Variants in F5 observed in about 807,000 individuals in gnomAD.
F5 encodes the protein coagulation factor V.
F5 carries 138 observed loss-of-function variants against 216.4 expected under a neutral mutation model. The ratio of observed to expected loss-of-function variants is 0.64; its 90% CI spans 0.56 to 0.73. The LOEUF is 0.73. Among genes scored for constraint, F5 ranks in the 30% least tolerant of loss-of-function variants. The pLI is 0.00. For synonymous variants in F5, 916 were observed against 930.7 expected, an observed-to-expected ratio of 0.98 and a Z score of 0.29; for missense variants, 2,403 against 2,674.0, an observed-to-expected ratio of 0.90 and a Z score of 2.24.
At chr1:169,561,641 TC>T (rs1660490158) in intron 3 of F5, among the ~76,000 whole-genome samples, 1 of 152,110 alleles carries the variant, frequency 6.6e-6, no homozygotes, top group African/African-American at 2.4e-5. Flanking sequence ...GAGGAATTCC[TC>T]ATTTAATTAG....
In F5 at chr1:169,542,126, A is replaced by T. The variant is rs1395780350; in HGVS notation, c.2964T>A (p.Leu988=). 7.4e-6 allele frequency: 12 copies of T among 1,613,946 alleles called. No individual in the cohort carries two copies. Among genetic ancestry groups the T allele is most frequent in the Non-Finnish European group, 1.0e-5 (12 of 1,179,986 alleles). ...CACTCTGCTTTCCAGGCTTGTTGGCAAGAGGGGTGCTTTCTCCCCAAGCAC... is the reference window on the plus strand; with the variant it reads ...CACTCTGCTTTCCAGGCTTGTTGGCTAGAGGGGTGCTTTCTCCCCAAGCAC... ...ASRAWGESTP[L]ANKPGKQSGH... Residue 988 remains leucine (L), a synonymous_variant, in exon 13 of 25, where the codon CTT becomes CTA. Transcript: ENST00000367797.
chr1:169,543,257 G>A (rs1659914148), intron 12 of F5, 143 bp from the exon 13 acceptor site: 1 of 717,030 alleles, frequency 1.4e-6, no homozygotes, highest in African/African-American at 1.8e-5. Flanking sequence ...GCTTGTCTGT[G>A]ACCTATTGAT....
chr1:169,556,020 T>C (rs1660316125), intron 6 of F5, among the ~76,000 whole-genome samples: 1 of 152,214 alleles, frequency 6.6e-6, no homozygotes, highest in African/African-American at 2.4e-5. Context: ...AACTCTAATC[T>C]CAACAGTTTT....
intron 2 of F5, among the ~76,000 whole-genome samples, chr1:169,576,401 A>C (rs1206698201): frequency 6.6e-6 from 1 of 151,998 alleles, no homozygotes. Flanking sequence ...TTTTTATGTT[A>C]GCTTTACACA....
chr1:169,514,218 A>T lies in F5; in HGVS notation c.*95T>A. The T allele has an allele frequency of 7.8e-7, 1 of 1,284,006 alleles. No homozygotes were observed. Among genetic ancestry groups the T allele is most frequent in the Non-Finnish European group, 1.1e-6 (1 of 891,918 alleles). 79.5% of individuals were successfully genotyped at this position (1,284,006 alleles called of 1,614,324 possible). On this transcript the variant is annotated 3_prime_UTR_variant, in exon 25 of 25. Coordinates refer to ENST00000367797, the MANE Select transcript of F5 (RefSeq NM_000130.5). ...AGAAAAGAAAGAGAAATAGTGGAAAACTGTTAACATTTAACACAGCGTAAA... is the reference window on the plus strand; with the variant it reads ...AGAAAAGAAAGAGAAATAGTGGAAATCTGTTAACATTTAACACAGCGTAAA...
intron 4 of F5, 124 bp from the exon 5 acceptor site, chr1:169,559,420 AT>A (rs1660409451): frequency 2.1e-6 from 2 of 959,756 alleles, no homozygotes; most frequent in East Asian, 2.6e-5. Context: ...AGAAATTCTT[AT>A]TTTTTAAAAT....
At chr1:169,559,624 T>G (rs1660416699) in intron 4 of F5, among the ~76,000 whole-genome samples, 1 of 152,132 alleles carries the variant, frequency 6.6e-6, no homozygotes, top group African/African-American at 2.4e-5. Flanking sequence ...ATAGATACGT[T>G]AGCTCAGTTG....
At chr1:169,539,573 C>G (rs1455478136) in intron 13 of F5, among the ~76,000 whole-genome samples, 1 of 152,184 alleles carries the variant, frequency 6.6e-6, no homozygotes, top group Non-Finnish European at 1.5e-5. Flanking sequence ...GATTAATGAA[C>G]TCATATGCAT....
At chr1:169,555,161 G>T (rs79380882) in intron 7 of F5, 21 bp downstream of exon 7, 2 of 1,613,766 alleles carry the variant, frequency 1.2e-6, no homozygotes, top group East Asian at 4.5e-5. Context: ...TTGCCCAGTG[G>T]TATGAACCCC....
chr1:169,550,801 T>C, intron 8 of F5, 62 bp from the exon 9 acceptor site: 4 of 1,243,440 alleles, frequency 3.2e-6, no homozygotes, highest in Non-Finnish European at 3.5e-6. Flanking sequence ...TAATATAAGA[T>C]ACTAGCTTTG....
intron 21 of F5, among the ~76,000 whole-genome samples, chr1:169,521,658 G>T (rs187514755): frequency 8.0e-6 from 1 of 124,298 alleles, no homozygotes; most frequent in African/African-American, 3.1e-5. Flanking sequence ...GTCTCACTCC[G>T]TCACCAGGCT....
At chr1:169,582,589 A>C (rs1661015252) in intron 1 of F5, 67 bp from the exon 2 acceptor site, 2 of 844,162 alleles carry the variant, frequency 2.4e-6, no homozygotes, top group African/African-American at 3.4e-5. Context: ...ATTACAAAAA[A>C]AGTAGATCTC....
intron 11 of F5, among the ~76,000 whole-genome samples, chr1:169,545,905 A>G (rs1326754319): frequency 3.3e-5 from 5 of 152,192 alleles, no homozygotes; most frequent in Non-Finnish European, 1.5e-5. Context: ...ACTGCAGCAA[A>G]TGCCGGAACC....
chr1:169,534,916 T>C (rs540447220), intron 14 of F5, among the ~76,000 whole-genome samples: 46 of 152,108 alleles, frequency 3.0e-4, no homozygotes, highest in Non-Finnish European at 6.5e-4. Flanking sequence ...TTATGCTAAG[T>C]GAATTAATGC....
In F5 at chr1:169,540,394, T is replaced by C. The variant is rs1179253983; in HGVS notation, c.4696A>G (p.Asn1566Asp). ...TNINSSRDPD[N>D]IAAWYLRSNN... ...CTGCGGAGGTACCATGCTGCAATGTTGTCAGGATCTCTGGAGGAGTTGATG... is the reference window on the plus strand; with the variant it reads ...CTGCGGAGGTACCATGCTGCAATGTCGTCAGGATCTCTGGAGGAGTTGATG... Residue 1566 changes from asparagine to aspartate, a missense_variant, in exon 13 of 25, where the codon AAC becomes GAC. By Grantham distance (23) the Asn-to-Asp change is conservative (BLOSUM62 1). Coordinates refer to ENST00000367797, the MANE Select transcript of F5 (RefSeq NM_000130.5). 1 of 1,614,058 alleles carries C rather than the reference T, an allele frequency of 6.2e-7. No individual in the cohort carries two copies. Among genetic ancestry groups the C allele is most frequent in the Non-Finnish European group, 8.5e-7 (1 of 1,179,946 alleles).
At position 169,549,634 on chromosome 1, in the gene F5, C is replaced by CA. The variant is rs55717622; in HGVS notation, c.1611+166dup. 0.077 allele frequency among the ~76,000 whole-genome samples: 11,162 copies of CA among 144,820 alleles called. 496 individuals carry two copies. The highest frequency in any genetic ancestry group is 0.12 in the Admixed American group (1,694 of 14,606). The stretch of plus-strand genomic sequence containing the variant: ...ATGGTACTGATAAAAATAGACAAGA[C>CA]AAAAAAAAAAAAAGAATAAATGTTA... On this transcript the variant is annotated intron_variant, in intron 10 of 24. Coordinates refer to ENST00000367797, the MANE Select transcript of F5 (RefSeq NM_000130.5).
chr1:169,519,890 G>T (rs947597434), intron 22 of F5, among the ~76,000 whole-genome samples: 1 of 152,158 alleles, frequency 6.6e-6, no homozygotes, highest in Non-Finnish European at 1.5e-5. Context: ...AAGAAGAACA[G>T]TTAAGACTCT....
At chr1:169,518,299 G>T in intron 23 of F5, 113 bp downstream of exon 23, 3 of 1,306,880 alleles carry the variant, frequency 2.3e-6, no homozygotes, top group African/African-American at 1.4e-5. Context: ...ATTTTAATCT[G>T]CAGAAACAGA....
intron 11 of F5, among the ~76,000 whole-genome samples, chr1:169,545,650 A>G (rs1223564680): frequency 1.3e-5 from 2 of 152,216 alleles, no homozygotes; most frequent in Non-Finnish European, 2.9e-5. Flanking sequence ...TGTTTGAATT[A>G]TTTGACCTGG....
Sources: allele counts gnomAD v4.1 joint callset (sites outside exome capture counted in the v4.1 genomes callset), GRCh38; gene constraint gnomAD v4.1.1; transcripts MANE v1.5; gene names NCBI Gene and HGNC (gene_info 2026-07-23, HGNC 2026-07-21).